Variants in SPARCL1 observed in about 807,000 individuals in gnomAD.
SPARCL1 encodes the protein SPARC-like protein 1.
Under a neutral mutation model 67.1 loss-of-function variants are expected in SPARCL1, and 52 were observed. That is an observed-to-expected ratio of 0.78 (90% CI 0.62 to 0.98). The LOEUF (loss-of-function observed/expected upper bound fraction) is 0.98. Ranked by LOEUF, SPARCL1 falls within the 50% of genes least tolerant of loss-of-function variation. SPARCL1 has a pLI of 0.00. For missense variants in SPARCL1, 717 were observed against 782.4 expected (o/e 0.92, Z 1.00); for synonymous variants, 226 against 267.8 (o/e 0.84, Z 1.52).
intron 1 of SPARCL1, among the ~76,000 whole-genome samples, chr4:87,522,479 G>C (rs187948687): frequency 3.9e-5 from 6 of 151,906 alleles, no homozygotes; most frequent in Non-Finnish European, 7.4e-5. Flanking sequence ...GAGTATTATG[G>C]AGATTTACAT....
At chr4:87,509,116 G>A (rs540887907) in intron 1 of SPARCL1, among the ~76,000 whole-genome samples, 1 of 149,850 alleles carries the variant, frequency 6.7e-6, no homozygotes, top group South Asian at 2.1e-4. Context: ...AAATCATATA[G>A]TGTAATGTGA....
rs140430705 is a variant in SPARCL1, at chr4:87,479,571, T to C, written c.1825A>G (p.Thr609Ala). The C allele has an allele frequency of 2.5e-6, 4 of 1,613,726 alleles. No homozygotes were observed. The African/African-American group carries it at 4.0e-5, about 16-fold the overall frequency. ...LDQHPMDRVLTHSELAPLRAS... is the reference protein window; with the variant it reads ...LDQHPMDRVLAHSELAPLRAS... ...CGCAGAGGAGCAAGTTCAGAATGTG[T>C]CAAGACTCTGCAATGAAATACATGG... Residue 609 changes from threonine (T) to alanine (A), a missense_variant, in exon 10 of 11, where the codon ACA becomes GCA. By Grantham distance (58) the Thr-to-Ala change is moderately conservative. Transcript: ENST00000282470.
At position 87,493,652 on chromosome 4, in the gene SPARCL1, A is replaced by C. The variant is rs144036698; in HGVS notation, c.1148T>G (p.Ile383Ser). ...ATGTACTTTTTCTCTTTGCTCCTCA[A>C]TTTTGAGGTGATAGGCAATGGATTG... ...RAQSIAYHLK[I>S]EEQREKVHEN... The change falls in exon 4 of 11, where the codon ATT (isoleucine) becomes AGT (serine). Residue 383 changes from isoleucine (I) to serine (S), a missense_variant. Physicochemically the swap from Ile to Ser is moderately radical, Grantham distance 142. Coordinates refer to ENST00000282470, the MANE Select transcript of SPARCL1 (RefSeq NM_004684.6). 30 of 1,613,932 alleles carry C rather than the reference A, an allele frequency of 1.9e-5. No individual in the cohort carries two copies. The highest frequency in any genetic ancestry group is 2.2e-5 in the Non-Finnish European group (26 of 1,180,016).
chr4:87,514,240 A>G (rs1456925423), intron 1 of SPARCL1, among the ~76,000 whole-genome samples: 1 of 152,214 alleles, frequency 6.6e-6, no homozygotes, highest in Admixed American at 6.5e-5. Context: ...TTCTCAGGTA[A>G]GAGGTATGTT....
At chr4:87,499,849 G>C (rs1724775447) in intron 1 of SPARCL1, among the ~76,000 whole-genome samples, 1 of 151,828 alleles carries the variant, frequency 6.6e-6, no homozygotes, top group Non-Finnish European at 1.5e-5. Flanking sequence ...TTCGAGTAAA[G>C]ACTCTGTGCA....
At chr4:87,520,761 C>G (rs750117292) in intron 1 of SPARCL1, among the ~76,000 whole-genome samples, 26 of 152,166 alleles carry the variant, frequency 1.7e-4, no homozygotes, top group Non-Finnish European at 2.5e-4. Context: ...GAAAAGGGGC[C>G]TGAATATCCT....
At chr4:87,499,842 G>A (rs939225019) in intron 1 of SPARCL1, among the ~76,000 whole-genome samples, 6 of 151,904 alleles carry the variant, frequency 3.9e-5, no homozygotes, top group Non-Finnish European at 7.4e-5. Flanking sequence ...GTACTTCTTC[G>A]AGTAAAGACT....
chr4:87,520,905 C>G (rs559724852), intron 1 of SPARCL1, among the ~76,000 whole-genome samples: 2 of 152,302 alleles, frequency 1.3e-5, no homozygotes, highest in Non-Finnish European at 2.9e-5. Context: ...AATATCGCTC[C>G]TGAAATTTGT....
chr4:87,490,212 T>C, intron 7 of SPARCL1, 61 bp downstream of exon 7: 2 of 1,508,850 alleles, frequency 1.3e-6, no homozygotes, highest in Non-Finnish European at 8.9e-7. Context: ...AATTCAGGCA[T>C]GTCCAGATTC....
chr4:87,499,970 G>T (rs1724780787), intron 1 of SPARCL1, among the ~76,000 whole-genome samples: 1 of 152,248 alleles, frequency 6.6e-6, no homozygotes, highest in South Asian at 2.1e-4. Flanking sequence ...CATTCATTCA[G>T]TGAAGATTTT....
Position 87,478,222 on chromosome 4 carries a change from G to A in SPARCL1, c.1966+1208C>T, listed in dbSNP as rs533491065. ...GATGTTCACTGTTAATTTATGTTCT[G>A]TGAGTGGTATTTTTCTTATTTATTT... On this transcript the variant is annotated intron_variant, in intron 10 of 10. Transcript: ENST00000282470. 8.2e-4 allele frequency among the ~76,000 whole-genome samples: 125 copies of A among 152,136 alleles called. No homozygotes were observed. The South Asian group carries it at 0.011, about 13-fold the overall frequency.
intron 1 of SPARCL1, among the ~76,000 whole-genome samples, chr4:87,508,659 A>G (rs533828851): frequency 1.3e-5 from 2 of 152,016 alleles, no homozygotes; most frequent in Non-Finnish European, 2.9e-5. Flanking sequence ...AAAAAAATAG[A>G]AGATTAGAGA....
At chr4:87,475,636 G>T (rs1430978236) in intron 10 of SPARCL1, among the ~76,000 whole-genome samples, 1 of 152,104 alleles carries the variant, frequency 6.6e-6, no homozygotes, top group Non-Finnish European at 1.5e-5. Context: ...TATATATAAA[G>T]TTCCACGTTA....
Position 87,493,908 on chromosome 4 carries a change from C to T in SPARCL1, c.892G>A (p.Gly298Ser). Residue 298 changes from glycine to serine, a missense_variant, in exon 4 of 11, where the codon GGT (glycine) becomes AGT (serine). Transcript: ENST00000282470. ...IQETEWQSQEGKTGLEAISNH... is the reference protein window; with the variant it reads ...IQETEWQSQESKTGLEAISNH... The stretch of plus-strand genomic sequence containing the variant: ...CTGATAGCTTCTAGGCCAGTTTTAC[C>T]CTCTTGACTCTGCCATTCAGTTTCT... 6.2e-7 allele frequency: 1 copy of T among 1,613,994 alleles called. No homozygotes were observed.
intron 1 of SPARCL1, among the ~76,000 whole-genome samples, chr4:87,522,192 T>C (rs35092607): frequency 0.041 from 6,249 of 152,100 alleles, 201 homozygotes; most frequent in Non-Finnish European, 0.063. Context: ...CTATTTTGAG[T>C]TCTCTGCTGA....
At chr4:87,489,721 C>T (rs1724233446) in intron 7 of SPARCL1, among the ~76,000 whole-genome samples, 1 of 152,182 alleles carries the variant, frequency 6.6e-6, no homozygotes, top group Non-Finnish European at 1.5e-5. Context: ...ACCTAACGTC[C>T]AGGAGGCTGA....
At chr4:87,499,650 G>T in intron 1 of SPARCL1, 65 bp from the exon 2 acceptor site, 1 of 1,169,884 alleles carries the variant, frequency 8.5e-7, no homozygotes. Flanking sequence ...CTGAAAGATA[G>T]TCTTAGCAAA....
chr4:87,494,194 C>G lies in SPARCL1; in HGVS notation c.606G>C (p.Glu202Asp). 6.2e-7 allele frequency: 1 copy of G among 1,613,980 alleles called. No individual in the cohort carries two copies. Among genetic ancestry groups the G allele is most frequent in the Non-Finnish European group, 8.5e-7 (1 of 1,180,022 alleles). ...EQDPNISNGEEEEEKEPGEVG... is the reference protein window; with the variant it reads ...EQDPNISNGEDEEEKEPGEVG... ...CTTCACCTGGCTCTTTTTCTTCTTC[C>G]TCTTCTCCATTGGAAATATTTGGAT... The change falls in exon 4 of 11, where the codon GAG becomes GAC. Residue 202 changes from glutamate (E) to aspartate (D), a missense_variant. Coordinates refer to ENST00000282470, the MANE Select transcript of SPARCL1 (RefSeq NM_004684.6).
chr4:87,526,687 C>T (rs1436047123), intron 1 of SPARCL1, among the ~76,000 whole-genome samples: 1 of 152,192 alleles, frequency 6.6e-6, no homozygotes, highest in East Asian at 1.9e-4. Context: ...GAGGCATACA[C>T]CTGGCATTCA....
Sources: gnomAD v4.1 joint callset for allele counts (sites outside exome capture counted in the v4.1 genomes callset) on GRCh38, gnomAD v4.1.1 for gene constraint, MANE v1.5 for transcripts, NCBI Gene and HGNC (gene_info 2026-07-23, HGNC 2026-07-21) for gene names.